The following TENM3 variants were observed in gnomAD, a reference collection of about 807,000 sequenced individuals.
TENM3 encodes teneurin transmembrane protein 3, also known as teneurin-3.
TENM3 carries 63 observed loss-of-function variants against 255.1 expected under a neutral mutation model. That is an observed-to-expected ratio of 0.25 (90% CI 0.20 to 0.30). The LOEUF (loss-of-function observed/expected upper bound fraction) is 0.30, where lower values mean the gene tolerates loss of function less well. Ranked by LOEUF, TENM3 falls within the 10% of genes least tolerant of loss-of-function variation. The pLI is 1.00. For synonymous variants in TENM3, 1,306 were observed against 1,322.3 expected (o/e 0.99, Z 0.27); for missense variants, 2,929 against 3,461.1 (o/e 0.85, Z 3.86).
chr4:181,904,676 C>T, the TENM3 span, among the ~76,000 whole-genome samples: 2 of 152,140 alleles, frequency 1.3e-5, no homozygotes, highest in Non-Finnish European at 2.9e-5. Context: ...AGCCATGTCC[C>T]TCCCTCAAAT....
intron 3 of TENM3, among the ~76,000 whole-genome samples, chr4:182,565,238 T>A (rs1380128211): frequency 6.6e-6 from 1 of 152,192 alleles, no homozygotes; most frequent in East Asian, 1.9e-4. Flanking sequence ...TCCTGCCTCC[T>A]AGACTTAGTT....
chr4:182,051,994 C>G, the TENM3 span, among the ~76,000 whole-genome samples: 6 of 152,052 alleles, frequency 3.9e-5, no homozygotes, highest in Non-Finnish European at 7.4e-5. Flanking sequence ...TATCAAGAGC[C>G]ATTTTCCCTT....
chr4:182,135,142 G>A, the TENM3 span, among the ~76,000 whole-genome samples: 33 of 138,356 alleles, frequency 2.4e-4, 1 homozygote, highest in Non-Finnish European at 3.9e-4. Flanking sequence ...GGAGGCGGAC[G>A]TTGCAGTGAG....
chr4:182,014,172 A>ATATATACG, the TENM3 span, among the ~76,000 whole-genome samples: 1 of 144,040 alleles, frequency 6.9e-6, no homozygotes, highest in African/African-American at 2.5e-5. Context: ...ATATATATAC[A>ATATATACG]TATATATATG....
intron 6 of TENM3, among the ~76,000 whole-genome samples, chr4:182,655,861 C>T (rs1753703640): frequency 6.6e-6 from 1 of 152,138 alleles, no homozygotes; most frequent in South Asian, 2.1e-4. Context: ...CTGAAATATG[C>T]TTCCCAAAAT....
rs556378281 is a variant in TENM3, at chr4:182,341,601, C to A, written c.233-5050C>A. On this transcript the variant is annotated intron_variant, in intron 2 of 27. Transcript: ENST00000511685. The stretch of plus-strand genomic sequence containing the variant: ...ACTTTTCCAGCCATTCTCTTTCTGG[C>A]CAACATTTGGGTTATTTAAAATTTT... Among the ~76,000 whole-genome samples the A allele has an allele frequency of 2.6e-5, 4 of 152,252 alleles. No individual in the cohort carries two copies. In the South Asian group the frequency reaches 8.3e-4, roughly 32 times the overall value.
In TENM3 at chr4:182,792,139, C is replaced by T. The variant is rs1195352222; in HGVS notation, c.5602-135C>T. 2 of 862,450 alleles carry T rather than the reference C, an allele frequency of 2.3e-6. No homozygotes were observed. The highest frequency in any genetic ancestry group is 1.8e-6 in the Non-Finnish European group (1 of 560,822). The allele number at this position is 862,450 out of a possible 1,614,324, so 53.4% of individuals were successfully genotyped here. A position where few individuals can be genotyped will look rare whatever the true frequency, so the allele number is the denominator to read the frequency against. ...TAGGCAGAGAAACGTTAACAACACG[C>T]AAGGTCAAGGATAACTCAATTAAAA... On this transcript the variant is annotated intron_variant, in intron 25 of 27. Transcript: ENST00000511685. The surrounding 1 kb of genome is among the most constrained non-coding windows in gnomAD (Gnocchi z 6.3).
intron 1 of TENM3, among the ~76,000 whole-genome samples, chr4:182,322,153 G>A (rs368679584): frequency 1.3e-5 from 2 of 152,240 alleles, no homozygotes; most frequent in East Asian, 3.9e-4. Context: ...ATTTGTAAAT[G>A]TAATAATGGA....
the TENM3 span, among the ~76,000 whole-genome samples, chr4:181,460,068 A>G: frequency 6.6e-6 from 1 of 151,914 alleles, no homozygotes; most frequent in East Asian, 1.9e-4. Flanking sequence ...ATTTCATGAC[A>G]TTCGTTGCTA....
At chr4:182,784,353 A>C (rs1284558206) in intron 24 of TENM3, among the ~76,000 whole-genome samples, 4 of 151,958 alleles carry the variant, frequency 2.6e-5, no homozygotes, top group Non-Finnish European at 5.9e-5. Context: ...GGTGCCTCCC[A>C]GTTAGGCTGC....
At chr4:182,684,253 C>T (rs1756394131) in intron 11 of TENM3, among the ~76,000 whole-genome samples, 1 of 151,118 alleles carries the variant, frequency 6.6e-6, no homozygotes, top group South Asian at 2.1e-4. Flanking sequence ...ATTTTACTAG[C>T]AGTGTTGAGT....
At chr4:181,687,804 G>C in the TENM3 span, among the ~76,000 whole-genome samples, 1 of 152,170 alleles carries the variant, frequency 6.6e-6, no homozygotes, top group South Asian at 2.1e-4. Flanking sequence ...AGAAGGCACT[G>C]ACCTCCAACA....
At chr4:182,523,610 A>T (rs1173525818) in intron 3 of TENM3, among the ~76,000 whole-genome samples, 1 of 152,222 alleles carries the variant, frequency 6.6e-6, no homozygotes, top group Admixed American at 6.5e-5. Context: ...TACCTTCTCC[A>T]TTAAGTATTA....
rs1371820838 is a variant in TENM3 at position 182,715,112 on chromosome 4, G to A, written c.2368+879G>A. 2.6e-5 allele frequency among the ~76,000 whole-genome samples: 4 copies of A among 152,182 alleles called. No individual in the cohort carries two copies. The East Asian group carries it at 5.8e-4, about 22-fold the overall frequency. ...TTGGTCAGGCTGGTCCCAAACTCCC[G>A]ACCTCAGGTGATCCGCCCACCTCGG... On this transcript the variant is annotated intron_variant, in intron 13 of 27. Coordinates refer to ENST00000511685, the MANE Select transcript of TENM3 (RefSeq NM_001080477.4).
chr4:181,893,489 C>T, the TENM3 span, among the ~76,000 whole-genome samples: 2 of 43,934 alleles, frequency 4.6e-5, no homozygotes, highest in East Asian at 8.3e-4. Context: ...TTTCCCCTGC[C>T]CACCCCCCCC....
chr4:182,547,563 T>A (rs902546429), intron 3 of TENM3, among the ~76,000 whole-genome samples: 1 of 152,096 alleles, frequency 6.6e-6, no homozygotes, highest in Non-Finnish European at 1.5e-5. Context: ...CATCCCATCT[T>A]CATGACAATC....
intron 1 of TENM3, among the ~76,000 whole-genome samples, chr4:182,177,615 T>TA (rs56063332): frequency 0.31 from 40,468 of 132,140 alleles, 6,697 homozygotes; most frequent in Non-Finnish European, 0.41. Flanking sequence ...TATATATATA[T>TA]TTTTTTTTTT....
At chr4:181,654,246 A>G in the TENM3 span, among the ~76,000 whole-genome samples, 37 of 151,772 alleles carry the variant, frequency 2.4e-4, no homozygotes, top group Admixed American at 1.4e-3. Flanking sequence ...AAAAAAAAAA[A>G]AAGAAGTCCA....
At chr4:182,627,837 C>T (rs1750972531) in intron 4 of TENM3, among the ~76,000 whole-genome samples, 1 of 152,030 alleles carries the variant, frequency 6.6e-6, no homozygotes, top group African/African-American at 2.4e-5. Context: ...TCTGCTTAAA[C>T]ATTGTCAAGG....
Sources: allele counts gnomAD v4.1 joint callset (sites outside exome capture counted in the v4.1 genomes callset), GRCh38; gene constraint gnomAD v4.1.1; non-coding constraint Gnocchi (gnomAD v3.1); transcripts MANE v1.5; gene names NCBI Gene and HGNC (gene_info 2026-07-23, HGNC 2026-07-21).